EVA1C: variants seen among roughly 807,000 people sequenced by gnomAD.
EVA1C encodes eva-1 homolog C.
In EVA1C, 25 loss-of-function variants were observed where a neutral mutation model predicts 45.4. The ratio of observed to expected loss-of-function variants is 0.55; its 90% CI spans 0.40 to 0.77. The LOEUF (loss-of-function observed/expected upper bound fraction) is 0.77, where lower values mean the gene tolerates loss of function less well. Ranked by LOEUF, EVA1C falls within the 30% of genes least tolerant of loss-of-function variation. The pLI, the probability that EVA1C is intolerant of heterozygous loss-of-function variation, is 0.00. For missense variants in EVA1C, 479 were observed against 554.8 expected, an observed-to-expected ratio of 0.86 and a Z score of 1.37; for synonymous variants, 190 against 221.2, an observed-to-expected ratio of 0.86 and a Z score of 1.25.
intron 5 of EVA1C, among the ~76,000 whole-genome samples, chr21:32,499,503 C>T (rs1865689478): frequency 2.0e-5 from 3 of 152,174 alleles, no homozygotes; most frequent in African/African-American, 7.2e-5. Context: ...GCGCCAGGGC[C>T]TCCTGTACGT....
rs147635968 is a variant in EVA1C, at chr21:32,478,216, TTA to T, written c.634+10382_634+10383del. ...GGGTCTTTAAAGAGATAATTAAGTT[TTA>T]TATATATATATATTTTTTGAGACCA... On this transcript the variant is annotated intron_variant, in intron 4 of 7. Coordinates refer to ENST00000300255, the MANE Select transcript of EVA1C (RefSeq NM_058187.5). Among the ~76,000 whole-genome samples, 8 of 150,492 alleles carry T rather than the reference TTA, an allele frequency of 5.3e-5. No individual in the cohort carries two copies. The East Asian group carries it at 1.4e-3, about 26-fold the overall frequency.
chr21:32,484,429 A>G (rs2146364146), intron 4 of EVA1C, among the ~76,000 whole-genome samples: 1 of 152,124 alleles, frequency 6.6e-6, no homozygotes, highest in East Asian at 1.9e-4. Flanking sequence ...CTGTAATCCC[A>G]GCTACTTGGG....
At chr21:32,418,447 C>T (rs2034138025) in intron 1 of EVA1C, among the ~76,000 whole-genome samples, 2 of 152,130 alleles carry the variant, frequency 1.3e-5, no homozygotes, top group African/African-American at 4.8e-5. Context: ...GCTTTGGTCT[C>T]CCAGGTGCTT....
At chr21:32,473,192 C>A (rs1196294689) in intron 4 of EVA1C, among the ~76,000 whole-genome samples, 2 of 152,246 alleles carry the variant, frequency 1.3e-5, no homozygotes, top group Non-Finnish European at 2.9e-5. Context: ...TAATTGAATG[C>A]TATGAAATCA....
intron 4 of EVA1C, 74 bp downstream of exon 4, chr21:32,467,922 C>T (rs2036236214): frequency 2.7e-5 from 19 of 692,512 alleles, no homozygotes; most frequent in South Asian, 5.2e-5. Flanking sequence ...ATATATATAT[C>T]CTATATATAT....
chr21:32,420,663 G>A (rs142734900), intron 1 of EVA1C, among the ~76,000 whole-genome samples: 2,756 of 152,212 alleles, frequency 0.018, 91 homozygotes, highest in African/African-American at 0.064. Context: ...CAAAGTGCTG[G>A]GATTACAGGA....
At chr21:32,442,048 T>A (rs1194716356) in intron 1 of EVA1C, among the ~76,000 whole-genome samples, 2 of 152,176 alleles carry the variant, frequency 1.3e-5, no homozygotes, top group African/African-American at 2.4e-5. Flanking sequence ...GCCCAGAATT[T>A]TCCACTGGCC....
At chr21:32,458,482 CT>C (rs60556962) in intron 3 of EVA1C, among the ~76,000 whole-genome samples, 7,949 of 142,516 alleles carry the variant, frequency 0.056, 315 homozygotes, top group African/African-American at 0.11. Flanking sequence ...AAGTTAAGCA[CT>C]TTTTTTTTTT....
At chr21:32,486,031 T>G (rs2036961982) in intron 4 of EVA1C, among the ~76,000 whole-genome samples, 1 of 152,252 alleles carries the variant, frequency 6.6e-6, no homozygotes, top group Non-Finnish European at 1.5e-5. Flanking sequence ...GATATACTTT[T>G]AGAAGTTGGC....
intron 1 of EVA1C, among the ~76,000 whole-genome samples, chr21:32,427,671 C>T (rs1252037496): frequency 6.6e-6 from 1 of 151,782 alleles, no homozygotes; most frequent in African/African-American, 2.4e-5. Context: ...CGATATCGTG[C>T]CACTGCACTC....
At chr21:32,508,298 G>A (rs543623033) in intron 7 of EVA1C, among the ~76,000 whole-genome samples, 151 of 152,312 alleles carry the variant, frequency 9.9e-4, no homozygotes, top group African/African-American at 3.5e-3. Flanking sequence ...GCCCCCTTGG[G>A]ACAGTGACAG....
intron 4 of EVA1C, among the ~76,000 whole-genome samples, chr21:32,490,132 G>A (rs2037107152): frequency 6.6e-6 from 1 of 151,946 alleles, no homozygotes; most frequent in South Asian, 2.1e-4. Context: ...TAAGTGTACA[G>A]TTTGGTCGTG....
intron 1 of EVA1C, among the ~76,000 whole-genome samples, chr21:32,445,859 TAC>T (rs1473277011): frequency 6.6e-6 from 1 of 152,240 alleles, no homozygotes; most frequent in Non-Finnish European, 1.5e-5. Flanking sequence ...TTTCTGCTGA[TAC>T]ACAGTGGGAG....
At chr21:32,501,091 GT>G (rs2037514100) in intron 5 of EVA1C, among the ~76,000 whole-genome samples, 1 of 152,204 alleles carries the variant, frequency 6.6e-6, no homozygotes, top group Admixed American at 6.5e-5. Context: ...AGGATTACAG[GT>G]GTAAGCCACC....
chr21:32,453,195 C>T (rs2035648647), intron 1 of EVA1C, 117 bp from the exon 2 acceptor site: 2 of 658,208 alleles, frequency 3.0e-6, no homozygotes, highest in Non-Finnish European at 5.2e-6. Flanking sequence ...AGGCCCCATC[C>T]CACATGTTGT....
intron 4 of EVA1C, among the ~76,000 whole-genome samples, chr21:32,483,366 T>C (rs927477907): frequency 1.4e-4 from 21 of 145,532 alleles, no homozygotes; most frequent in Non-Finnish European, 2.4e-4. Flanking sequence ...TTGACGTTTC[T>C]GGCATTTGGT....
chr21:32,457,484 G>A, intron 2 of EVA1C, 113 bp from the exon 3 acceptor site: 1 of 1,257,496 alleles, frequency 8.0e-7, no homozygotes, highest in East Asian at 2.3e-5. Context: ...ACACAGCTTG[G>A]CCAGGTGGGG....
In EVA1C at chr21:32,467,702, T is replaced by TA; in HGVS notation, c.494dup (p.Asn165LysfsTer6). ...ATTTTTGTTTTTGCTTCAGATGAAT[T>TA]AAAAAACAAAACCGTGTGTGAAGAC... is the stretch of plus-strand genomic sequence containing the variant. On this transcript the variant is annotated frameshift_variant, in exon 4 of 8. Transcript: ENST00000300255. LOFTEE classifies it high-confidence loss of function. 2 of 1,602,464 alleles carry TA rather than the reference T, an allele frequency of 1.2e-6. No homozygotes were observed. The highest frequency in any genetic ancestry group is 1.7e-6 in the Non-Finnish European group (2 of 1,175,976).
At chr21:32,466,629 A>C (rs1273346158) in intron 3 of EVA1C, among the ~76,000 whole-genome samples, 1 of 152,160 alleles carries the variant, frequency 6.6e-6, no homozygotes, top group Non-Finnish European at 1.5e-5. Flanking sequence ...TTGGGAACAA[A>C]GCACTACCTG....
Sources: allele counts gnomAD v4.1 joint callset (sites outside exome capture counted in the v4.1 genomes callset), GRCh38; gene constraint gnomAD v4.1.1; transcripts MANE v1.5; gene names NCBI Gene and HGNC (gene_info 2026-07-23, HGNC 2026-07-21).